LYPLA2: variants seen among roughly 807,000 people sequenced by gnomAD.
The protein encoded by LYPLA2 is lysophospholipase 2.
Under a neutral mutation model 30.3 loss-of-function variants are expected in LYPLA2, and 7 were observed. The ratio of observed to expected loss-of-function variants is 0.23; its 90% confidence interval spans 0.13 to 0.43. The LOEUF (loss-of-function observed/expected upper bound fraction) is 0.43. Ranked by LOEUF, LYPLA2 falls within the 20% of genes least tolerant of loss-of-function variation. The pLI is 1.00. For missense variants in LYPLA2, 206 were observed against 307.9 expected, an observed-to-expected ratio of 0.67 and a Z score of 2.48; for synonymous variants, 112 against 118.2, an observed-to-expected ratio of 0.95 and a Z score of 0.34.
At position 23,793,655 on chromosome 1, in the gene LYPLA2, C is replaced by G; in HGVS notation, c.177-50C>G. Reference sequence around the variant, plus strand: ...CCCCACTCCGGGCTCTGAGCTCTGGCCTCCTCATTCCTCCTGAGCATGATG... The same window carrying G: ...CCCCACTCCGGGCTCTGAGCTCTGGGCTCCTCATTCCTCCTGAGCATGATG... On this transcript the variant is annotated intron_variant, in intron 4 of 9. Transcript: ENST00000374514. The surrounding 1 kb of genome is among the most constrained non-coding windows in gnomAD (Gnocchi z 6.0). 1 of 1,586,896 alleles carries G rather than the reference C, an allele frequency of 6.3e-7. No homozygotes were observed. The highest frequency in any genetic ancestry group is 8.7e-7 in the Non-Finnish European group (1 of 1,155,330).
chr1:23,793,302 A>C lies in LYPLA2; in HGVS notation c.176+86A>C. ...CATCCCAGGCCTGTTCTCTCCTGTC[A>C]GTTGCATCCTGGGGCTTGGGCTCAG... On this transcript the variant is annotated intron_variant, in intron 4 of 9. Transcript: ENST00000374514. The surrounding 1 kb of genome is among the most constrained non-coding windows in gnomAD (Gnocchi z 6.0). The C allele has an allele frequency of 7.2e-7, 1 of 1,389,108 alleles. No homozygotes were observed. Among genetic ancestry groups the C allele is most frequent in the South Asian group, 1.2e-5 (1 of 85,486 alleles). The allele number at this position is 1,389,108 out of a possible 1,614,324, so 86.0% of individuals were successfully genotyped here.
chr1:23,793,835 A>G lies in LYPLA2; in HGVS notation c.225-25A>G. The G allele has an allele frequency of 1.2e-6, 2 of 1,612,878 alleles. No homozygotes were observed. Among genetic ancestry groups the G allele is most frequent in the Non-Finnish European group, 1.7e-6 (2 of 1,178,944 alleles). ...CAGGGGGCTGGCTGGGGTTTTCTATAGCTGCCAGTGCCTCTACTCCCAAGG... is the reference window on the plus strand; with the variant it reads ...CAGGGGGCTGGCTGGGGTTTTCTATGGCTGCCAGTGCCTCTACTCCCAAGG... On this transcript the variant is annotated intron_variant, in intron 5 of 9. Transcript: ENST00000374514. The surrounding 1 kb of genome is among the most constrained non-coding windows in gnomAD (Gnocchi z 6.0).
At position 23,794,263 on chromosome 1, in the gene LYPLA2, C is replaced by CA; in HGVS notation, c.410dup (p.His137GlnfsTer24). Reference sequence around the variant, plus strand: ...CCTCTACACGGCCCTCACCTGCCCCCACCCTCTGGCTGGCATCGTGGCGTT... The same window carrying CA: ...CCTCTACACGGCCCTCACCTGCCCCCAACCCTCTGGCTGGCATCGTGGCGTT... On this transcript the variant is annotated frameshift_variant, in exon 8 of 10. Coordinates refer to ENST00000374514, the MANE Select transcript of LYPLA2 (RefSeq NM_007260.3). LOFTEE classifies it high-confidence loss of function. The surrounding 1 kb of genome is among the most constrained non-coding windows in gnomAD (Gnocchi z 5.9). 1 of 1,612,270 alleles carries CA rather than the reference C, an allele frequency of 6.2e-7. No homozygotes were observed. The highest frequency in any genetic ancestry group is 8.5e-7 in the Non-Finnish European group (1 of 1,179,900).
In LYPLA2 at chr1:23,793,093, A is replaced by C; in HGVS notation, c.110+54A>C. ...AGGAGGGGTCCTGGCCCAGCAGCGG[A>C]CTGGAGAGGCCTTCTCTTCCTACCA... On this transcript the variant is annotated intron_variant, in intron 3 of 9. Transcript: ENST00000374514. The surrounding 1 kb of genome is among the most constrained non-coding windows in gnomAD (Gnocchi z 6.0). 1 of 1,613,192 alleles carries C rather than the reference A, an allele frequency of 6.2e-7. No individual in the cohort carries two copies. The highest frequency in any genetic ancestry group is 8.5e-7 in the Non-Finnish European group (1 of 1,179,240).
Position 23,793,489 on chromosome 1 carries a change from G to A in LYPLA2, c.177-216G>A, listed in dbSNP as rs1262158217. 3.3e-5 allele frequency among the ~76,000 whole-genome samples: 5 copies of A among 152,234 alleles called. No homozygotes were observed. The highest frequency in any genetic ancestry group is 1.9e-4 in the East Asian group (1 of 5,176). Reference sequence around the variant, plus strand: ...GTACTCACCGACTACCTGGGACCCCGTCACACCAAGCGCTGGGCTCTGCTT... The same window carrying A: ...GTACTCACCGACTACCTGGGACCCCATCACACCAAGCGCTGGGCTCTGCTT... On this transcript the variant is annotated intron_variant, in intron 4 of 9. Coordinates refer to ENST00000374514, the MANE Select transcript of LYPLA2 (RefSeq NM_007260.3). This position sits in a 1 kb window ranked among gnomAD's most constrained non-coding sequence, Gnocchi z 6.0.
chr1:23,793,969 G>GC lies in LYPLA2; in HGVS notation c.295+45dup, dbSNP rs768996169. On this transcript the variant is annotated intron_variant, in intron 6 of 9. Transcript: ENST00000374514. The surrounding 1 kb of genome is among the most constrained non-coding windows in gnomAD (Gnocchi z 6.0). Reference sequence around the variant, plus strand: ...CCCTCCTCCACATCCTCCTTCCCCTGCCCCCCAGGAAAGCGCTGGGCGGTT... The same window carrying GC: ...CCCTCCTCCACATCCTCCTTCCCCTGCCCCCCCAGGAAAGCGCTGGGCGGTT... The GC allele has an allele frequency of 3.6e-5, 57 of 1,598,896 alleles. No homozygotes were observed. Among genetic ancestry groups the GC allele is most frequent in the South Asian group, 2.2e-4 (20 of 90,782 alleles).
intron 1 of LYPLA2, among the ~76,000 whole-genome samples, chr1:23,791,621 T>C (rs1171528539): frequency 1.3e-5 from 2 of 151,208 alleles, no homozygotes; most frequent in African/African-American, 4.9e-5. Context: ...AGATCCTGGG[T>C]CAGGGTGGAA....
rs1394978530 is a variant in LYPLA2, at chr1:23,794,202, C to T, written c.370-22C>T. 1.3e-6 allele frequency: 2 copies of T among 1,596,948 alleles called. No individual in the cohort carries two copies. Among genetic ancestry groups the T allele is most frequent in the Non-Finnish European group, 1.7e-6 (2 of 1,170,062 alleles). On this transcript the variant is annotated intron_variant, in intron 7 of 9. Transcript: ENST00000374514. This position sits in a 1 kb window ranked among gnomAD's most constrained non-coding sequence, Gnocchi z 5.9. ...CGGTGAGTGAGCTGTGCCCTCATGA[C>T]CCCTCTCTCTCCTCCCTCCAGGGCG... is the stretch of plus-strand genomic sequence containing the variant.
At position 23,793,770 on chromosome 1, in the gene LYPLA2, G is replaced by T. The variant is rs201358165; in HGVS notation, c.224+18G>T. 1.0e-4 allele frequency: 162 copies of T among 1,613,924 alleles called. 2 individuals are homozygous for T. The East Asian group carries it at 3.4e-3, about 34-fold the overall frequency. ...CCCTCCTGGTGAGTTTGGGAGTGGG[G>T]GTGGGCAGGGGGACGAGGACACTTG... On this transcript the variant is annotated intron_variant, in intron 5 of 9. Coordinates refer to ENST00000374514, the MANE Select transcript of LYPLA2 (RefSeq NM_007260.3). This position sits in a 1 kb window ranked among gnomAD's most constrained non-coding sequence, Gnocchi z 6.0.
chr1:23,794,342 A>C lies in LYPLA2; in HGVS notation c.471+17A>C, dbSNP rs1557474969. On this transcript the variant is annotated intron_variant, in intron 8 of 9. Transcript: ENST00000374514. This position sits in a 1 kb window ranked among gnomAD's most constrained non-coding sequence, Gnocchi z 5.9. Reference sequence around the variant, plus strand: ...TTCCCCCAGGTGAATGTCCCCACTGACCCCCCCGCCCTTTGTGTCTGCATC... The same window carrying C: ...TTCCCCCAGGTGAATGTCCCCACTGCCCCCCCCGCCCTTTGTGTCTGCATC... 5.4e-6 allele frequency: 7 copies of C among 1,300,734 alleles called. No homozygotes were observed. The highest frequency in any genetic ancestry group is 1.2e-5 in the South Asian group (1 of 84,328). The allele number at this position is 1,300,734 out of a possible 1,614,324, so 80.6% of individuals were successfully genotyped here.
chr1:23,791,749 A>G (rs1314177929), intron 1 of LYPLA2, among the ~76,000 whole-genome samples: 1 of 151,952 alleles, frequency 6.6e-6, no homozygotes, highest in African/African-American at 2.4e-5. Context: ...AGCTCAGGGC[A>G]GGAGGTGCAT....
Position 23,794,045 on chromosome 1 carries a change from T to G in LYPLA2, c.296-18T>G, listed in dbSNP as rs1374711860. The G allele has an allele frequency of 1.9e-6, 3 of 1,611,330 alleles. No individual in the cohort carries two copies. The highest frequency in any genetic ancestry group is 1.7e-4 in the Middle Eastern group (1 of 6,056). On this transcript the variant is annotated intron_variant, in intron 6 of 9. Coordinates refer to ENST00000374514, the MANE Select transcript of LYPLA2 (RefSeq NM_007260.3). The surrounding 1 kb of genome is among the most constrained non-coding windows in gnomAD (Gnocchi z 5.9). ...CCCTTGGCAGCTTCCCTCTACCCAC[T>G]CATGCCCCCTCCCCCAGTCAAGGCC...
chr1:23,793,677 G>C lies in LYPLA2; in HGVS notation c.177-28G>C. The C allele has an allele frequency of 6.8e-6, 11 of 1,612,920 alleles. No homozygotes were observed. Among genetic ancestry groups the C allele is most frequent in the Non-Finnish European group, 8.5e-6 (10 of 1,178,872 alleles). On this transcript the variant is annotated intron_variant, in intron 4 of 9. Transcript: ENST00000374514. The surrounding 1 kb of genome is among the most constrained non-coding windows in gnomAD (Gnocchi z 6.0). ...TGGCCTCCTCATTCCTCCTGAGCAT[G>C]ATGGGCCCTCTGGCTCTCTTTCCCC...
Position 23,794,628 on chromosome 1 carries a change from C to G in LYPLA2, c.645+28C>G, listed in dbSNP as rs1214458444. ...CAGTGGGGGGACCATTTCCCACTCC[C>G]ACTTCTCTGCCTCCAGCCAGGTGCC... On this transcript the variant is annotated intron_variant, in intron 9 of 9. Coordinates refer to ENST00000374514, the MANE Select transcript of LYPLA2 (RefSeq NM_007260.3). The surrounding 1 kb of genome is among the most constrained non-coding windows in gnomAD (Gnocchi z 5.9). The G allele has an allele frequency of 9.3e-6, 15 of 1,614,012 alleles. No homozygotes were observed. Among genetic ancestry groups the G allele is most frequent in the African/African-American group, 1.3e-5 (1 of 74,916 alleles).
chr1:23,793,610 G>A lies in LYPLA2; in HGVS notation c.177-95G>A. ...AACACAGGCCCTGCCTGCTGGGAGG[G>A]GCCACCAGGGGCGGCGCGGCCCCAC... On this transcript the variant is annotated intron_variant, in intron 4 of 9. Transcript: ENST00000374514. This position sits in a 1 kb window ranked among gnomAD's most constrained non-coding sequence, Gnocchi z 6.0. 2.3e-6 allele frequency: 3 copies of A among 1,284,498 alleles called. No homozygotes were observed. Among genetic ancestry groups the A allele is most frequent in the Non-Finnish European group, 3.4e-6 (3 of 881,546 alleles). The allele number at this position is 1,284,498 out of a possible 1,614,324, so 79.6% of individuals were successfully genotyped here.
Position 23,794,600 on chromosome 1 carries a change from G to T in LYPLA2, c.645G>T (p.Gln215His). 1 of 1,614,126 alleles carries T rather than the reference G, an allele frequency of 6.2e-7. No individual in the cohort carries two copies. The highest frequency in any genetic ancestry group is 8.5e-7 in the Non-Finnish European group (1 of 1,179,990). The change falls in exon 9 of 10, where the codon CAG becomes CAT. Residue 215 changes from glutamine to histidine, a missense_variant and splice_region_variant. Physicochemically the swap from Gln to His is conservative, Grantham distance 24 (BLOSUM62 0). Transcript: ENST00000374514. The surrounding 1 kb of genome is among the most constrained non-coding windows in gnomAD (Gnocchi z 5.9). ...GTGTCATGCACAGCTCCTGTCCTCA[G>T]GTCAGTGGGGGGACCATTTCCCACT... Reference protein sequence around the residue: ...YPGVMHSSCPQEMAAVKEFLE... With the variant: ...YPGVMHSSCPHEMAAVKEFLE...
At position 23,793,342 on chromosome 1, in the gene LYPLA2, G is replaced by C. The variant is rs912113865; in HGVS notation, c.176+126G>C. On this transcript the variant is annotated intron_variant, in intron 4 of 9. Coordinates refer to ENST00000374514, the MANE Select transcript of LYPLA2 (RefSeq NM_007260.3). This position sits in a 1 kb window ranked among gnomAD's most constrained non-coding sequence, Gnocchi z 6.0. The stretch of plus-strand genomic sequence containing the variant: ...CTTGGGCTCAGGGCAGTCAGAAGTG[G>C]CATTTTCAGCCTGAGCTCCTGTGGA... 5.0e-6 allele frequency: 5 copies of C among 996,684 alleles called. No homozygotes were observed. The highest frequency in any genetic ancestry group is 7.6e-6 in the Non-Finnish European group (5 of 655,920). The allele number at this position is 996,684 out of a possible 1,614,324, so 61.7% of individuals were successfully genotyped here.
rs2232979 is a variant in LYPLA2 at position 23,792,893 on chromosome 1, C to T, written c.79-115C>T. 3.7e-6 allele frequency: 5 copies of T among 1,358,308 alleles called. No homozygotes were observed. The Admixed American group carries it at 5.4e-5, about 15-fold the overall frequency. The allele number at this position is 1,358,308 out of a possible 1,614,324, so 84.1% of individuals were successfully genotyped here. A position where few individuals can be genotyped will look rare whatever the true frequency, so the allele number is the denominator to read the frequency against. ...GAGGCCAGCAGGCTCGGGGTAGTAA[C>T]CTGTTTGGCTGCTACCTGGGTTCCC... On this transcript the variant is annotated intron_variant, in intron 2 of 9. Coordinates refer to ENST00000374514, the MANE Select transcript of LYPLA2 (RefSeq NM_007260.3).
At position 23,794,935 on chromosome 1, in the gene LYPLA2, G is replaced by A. The variant is rs1295354508; in HGVS notation, c.*203G>A. ...GCCACCTGGCTCTGTCTGCAGCAGG[G>A]GCAGGCTGCTTTCTTATCCATTTCC... On this transcript the variant is annotated 3_prime_UTR_variant, in exon 10 of 10. Transcript: ENST00000374514. This position sits in a 1 kb window ranked among gnomAD's most constrained non-coding sequence, Gnocchi z 5.9. The A allele has an allele frequency of 2.8e-6, 2 of 715,982 alleles. No individual in the cohort carries two copies. The highest frequency in any genetic ancestry group is 5.1e-6 in the Non-Finnish European group (2 of 395,498). The allele number at this position is 715,982 out of a possible 1,614,324, so 44.4% of individuals were successfully genotyped here.
Sources: allele counts gnomAD v4.1 joint callset (sites outside exome capture counted in the v4.1 genomes callset), GRCh38; gene constraint gnomAD v4.1.1; non-coding constraint Gnocchi (gnomAD v3.1); transcripts MANE v1.5; gene names NCBI Gene and HGNC (gene_info 2026-07-23, HGNC 2026-07-21).